The following TMEM161B variants were observed in gnomAD, a reference collection of about 807,000 sequenced individuals.
TMEM161B encodes transmembrane protein 161B.
TMEM161B carries 34 observed loss-of-function variants against 61.8 expected under a neutral mutation model. That is an observed-to-expected ratio of 0.55 (90% confidence interval 0.42 to 0.73). TMEM161B has a LOEUF of 0.73. Among genes scored for constraint, TMEM161B ranks in the 30% least tolerant of loss-of-function variants. The probability of loss-of-function intolerance (pLI) is 0.00; values close to 1 mark genes in which losing one functional copy is unlikely to be tolerated. For missense variants in TMEM161B, 456 were observed against 558.5 expected (o/e 0.82, Z 1.85); for synonymous variants, 167 against 192.8 (o/e 0.87, Z 1.11).
chr5:88,200,636 A>G (rs1045073774), intron 9 of TMEM161B: 6 of 152,140 alleles, frequency 3.9e-5, no homozygotes, highest in Non-Finnish European at 8.8e-5. Flanking sequence ...AGATTATTCC[A>G]TACCATCATA....
At chr5:88,206,123 T>C (rs1745415175) in intron 7 of TMEM161B, among the ~76,000 whole-genome samples, 169 bp from the exon 8 acceptor site, 1 of 152,150 alleles carries the variant, frequency 6.6e-6, no homozygotes, top group Non-Finnish European at 1.5e-5. Context: ...TGGTGAACTG[T>C]AAACTAAATG....
chr5:88,207,282 T>G, intron 5 of TMEM161B, 102 bp from the exon 6 acceptor site: 1 of 1,122,520 alleles, frequency 8.9e-7, no homozygotes, highest in Non-Finnish European at 1.2e-6. Flanking sequence ...CTACAACATT[T>G]ATTTCCAAGT....
intron 7 of TMEM161B, 78 bp downstream of exon 7, chr5:88,206,361 G>T: frequency 1.7e-6 from 2 of 1,182,772 alleles, no homozygotes; most frequent in Non-Finnish European, 2.4e-6. Context: ...ATTTAAAACA[G>T]CTATTTATAG....
chr5:88,196,324 T>C lies in TMEM161B; in HGVS notation c.1351A>G (p.Thr451Ala). The change falls in exon 12 of 12, where the codon ACT (threonine) becomes GCT (alanine). Residue 451 changes from threonine (T) to alanine (A), a missense_variant. This residue lies in a region of TMEM161B where 367 missense variants were observed against 427.3 expected (regional missense o/e 0.86). Coordinates refer to ENST00000296595, the MANE Select transcript of TMEM161B (RefSeq NM_153354.5). ...AGAAGTCCTCGAAAAAGAAGAGGAGTAAAAATATTTTTTAAGCTGCTCAGT... is the reference window on the plus strand; with the variant it reads ...AGAAGTCCTCGAAAAAGAAGAGGAGCAAAAATATTTTTTAAGCTGCTCAGT... ...VALSSLKNIF[T>A]PLLFRGLLSF... 6.2e-7 allele frequency: 1 copy of C among 1,612,844 alleles called. No homozygotes were observed. The highest frequency in any genetic ancestry group is 8.5e-7 in the Non-Finnish European group (1 of 1,179,442).
At chr5:88,233,465 G>A (rs1166405555) in intron 2 of TMEM161B, among the ~76,000 whole-genome samples, 2 of 152,168 alleles carry the variant, frequency 1.3e-5, no homozygotes, top group African/African-American at 2.4e-5. Context: ...GCTTCAAGGA[G>A]AAACATAAGA....
chr5:88,244,777 T>C (rs769030226), intron 1 of TMEM161B, among the ~76,000 whole-genome samples: 1 of 151,926 alleles, frequency 6.6e-6, no homozygotes, highest in Non-Finnish European at 1.5e-5. Flanking sequence ...TCCAAGAGCA[T>C]GGAATTCTTT....
chr5:88,260,024 T>C (rs1462946071), intron 1 of TMEM161B, among the ~76,000 whole-genome samples: 1 of 152,234 alleles, frequency 6.6e-6, no homozygotes, highest in Non-Finnish European at 1.5e-5. Context: ...CCTCCATTTC[T>C]ACATCTGTAA....
intron 2 of TMEM161B, among the ~76,000 whole-genome samples, chr5:88,238,891 G>C (rs1366390936): frequency 2.0e-5 from 3 of 151,892 alleles, no homozygotes; most frequent in Admixed American, 2.0e-4. Flanking sequence ...AAACAAAATT[G>C]AGAGGAAATG....
chr5:88,246,970 ACT>A (rs1753699718), intron 1 of TMEM161B, among the ~76,000 whole-genome samples: 1 of 151,990 alleles, frequency 6.6e-6, no homozygotes, highest in Non-Finnish European at 1.5e-5. Flanking sequence ...GCCTCTAGGC[ACT>A]GATTCTCTTG....
At chr5:88,197,339 T>C (rs560530090) in intron 11 of TMEM161B, among the ~76,000 whole-genome samples, 1 of 152,302 alleles carries the variant, frequency 6.6e-6, no homozygotes, top group South Asian at 2.1e-4. Flanking sequence ...ATTTAAATGT[T>C]AGGCAATAAC....
intron 1 of TMEM161B, among the ~76,000 whole-genome samples, chr5:88,268,131 T>A (rs1199680896): frequency 6.6e-6 from 1 of 152,198 alleles, no homozygotes; most frequent in African/African-American, 2.4e-5. Flanking sequence ...CTGCAACAGT[T>A]CCTTCAACCT....
At chr5:88,260,984 T>G (rs751336773) in intron 1 of TMEM161B, among the ~76,000 whole-genome samples, 5 of 152,154 alleles carry the variant, frequency 3.3e-5, no homozygotes, top group Non-Finnish European at 5.9e-5. Context: ...AATCATTGGG[T>G]AAGTGAGTTG....
chr5:88,192,009 T>C (rs1215285484), downstream of TMEM161B, among the ~76,000 whole-genome samples: 1 of 84,034 alleles, frequency 1.2e-5, no homozygotes, highest in East Asian at 3.0e-4. Flanking sequence ...TATATATATA[T>C]ATATATATAT....
At chr5:88,253,328 T>C (rs1040719530) in intron 1 of TMEM161B, among the ~76,000 whole-genome samples, 2 of 152,080 alleles carry the variant, frequency 1.3e-5, no homozygotes, top group African/African-American at 4.8e-5. Context: ...AAAATATAAG[T>C]GGTATGGTAG....
At chr5:88,190,953 CAT>C (rs987303914), downstream of TMEM161B, among the ~76,000 whole-genome samples, 8 of 152,174 alleles carry the variant, frequency 5.3e-5, no homozygotes, top group African/African-American at 9.7e-5. Context: ...CTGCTAAAAA[CAT>C]ATTGTTTTAA....
chr5:88,263,877 T>C (rs1756005925), intron 1 of TMEM161B, among the ~76,000 whole-genome samples: 1 of 152,172 alleles, frequency 6.6e-6, no homozygotes, highest in South Asian at 2.1e-4. Flanking sequence ...TAGGCCTCTG[T>C]AGTAAGAAAG....
intron 1 of TMEM161B, among the ~76,000 whole-genome samples, chr5:88,263,678 A>G (rs1341779220): frequency 6.6e-6 from 1 of 152,224 alleles, no homozygotes; most frequent in Non-Finnish European, 1.5e-5. Flanking sequence ...TTAGAAATGA[A>G]CACTTTAGAA....
At chr5:88,265,479 T>C (rs1479273973) in intron 1 of TMEM161B, among the ~76,000 whole-genome samples, 2 of 152,148 alleles carry the variant, frequency 1.3e-5, no homozygotes. Context: ...GAGAATATAA[T>C]GCCACCACTG....
chr5:88,224,964 TG>T lies in TMEM161B; in HGVS notation c.289+804del, dbSNP rs149468415. ...ACACATAACACACAAAATATGTTTT[TG>T]TTTTTTTTTTTTTTTTTTTTGAGAC... is the stretch of plus-strand genomic sequence containing the variant. On this transcript the variant is annotated intron_variant, in intron 4 of 11. Coordinates refer to ENST00000296595, the MANE Select transcript of TMEM161B (RefSeq NM_153354.5). Among the ~76,000 whole-genome samples the T allele has an allele frequency of 7.1e-3, 953 of 134,746 alleles. 197 individuals carry two copies. The highest frequency in any genetic ancestry group is 0.018 in the African/African-American group (631 of 35,456). 88.4% of individuals were successfully genotyped at this position (134,746 alleles called of 152,430 possible).
Sources: allele counts gnomAD v4.1 joint callset (sites outside exome capture counted in the v4.1 genomes callset), GRCh38; gene constraint gnomAD v4.1.1; regional missense constraint gnomAD v4.1.1; transcripts MANE v1.5; gene names NCBI Gene and HGNC (gene_info 2026-07-23, HGNC 2026-07-21).